CDYL2: variants seen among roughly 807,000 people sequenced by gnomAD.
The protein encoded by CDYL2 is chromodomain Y like 2.
A neutral mutation model predicts 49.4 loss-of-function variants in CDYL2; 23 were observed. The observed-to-expected ratio is 0.47, with a 90% CI of 0.34 to 0.66. The LOEUF (loss-of-function observed/expected upper bound fraction) is 0.66. Ranked by LOEUF, CDYL2 falls within the 30% of genes least tolerant of loss-of-function variation. The probability of loss-of-function intolerance (pLI) is 0.01; values close to 1 mark genes in which losing one functional copy is unlikely to be tolerated. For missense variants in CDYL2, 678 were observed against 656.4 expected, an observed-to-expected ratio of 1.03 and a Z score of -0.36; for synonymous variants, 360 against 268.8, an observed-to-expected ratio of 1.34 and a Z score of -3.32.
intron 1 of CDYL2, among the ~76,000 whole-genome samples, chr16:80,711,461 T>C (rs930009146): frequency 6.6e-6 from 1 of 152,200 alleles, no homozygotes; most frequent in African/African-American, 2.4e-5. Flanking sequence ...CCTGTTTTTA[T>C]TAACACTTGA....
At chr16:80,687,184 G>A (rs901938150) in intron 1 of CDYL2, among the ~76,000 whole-genome samples, 2 of 152,218 alleles carry the variant, frequency 1.3e-5, no homozygotes, top group African/African-American at 4.8e-5. Flanking sequence ...CAGCATTTGT[G>A]AGGACACCAA....
intron 2 of CDYL2, among the ~76,000 whole-genome samples, chr16:80,659,126 C>A (rs1908937052): frequency 6.6e-6 from 1 of 151,888 alleles, no homozygotes; most frequent in Admixed American, 6.6e-5. Flanking sequence ...GATGAACAGA[C>A]AGATGAGATG....
At chr16:80,650,083 A>G (rs958782671) in intron 2 of CDYL2, among the ~76,000 whole-genome samples, 4 of 152,200 alleles carry the variant, frequency 2.6e-5, no homozygotes, top group Admixed American at 6.5e-5. Flanking sequence ...GCAATACCCT[A>G]CAAGCACAGG....
chr16:80,648,162 G>C (rs1401238531), intron 2 of CDYL2, among the ~76,000 whole-genome samples: 1 of 151,992 alleles, frequency 6.6e-6, no homozygotes, highest in Admixed American at 6.6e-5. Flanking sequence ...ATAAAGATCA[G>C]AGTGGAAATA....
At chr16:80,724,138 TAAA>T (rs945281162) in intron 1 of CDYL2, among the ~76,000 whole-genome samples, 1 of 113,958 alleles carries the variant, frequency 8.8e-6, no homozygotes, top group South Asian at 2.7e-4. Context: ...AAAGAGGAGA[TAAA>T]AAAGAAGAGA....
intron 1 of CDYL2, among the ~76,000 whole-genome samples, chr16:80,794,594 A>AC (rs1907711212): frequency 7.3e-6 from 1 of 136,386 alleles, no homozygotes; most frequent in Admixed American, 7.3e-5. Context: ...TTACATTCCC[A>AC]GTGATTTTTT....
At chr16:80,642,162 G>A (rs921373692) in intron 2 of CDYL2, among the ~76,000 whole-genome samples, 9 of 152,284 alleles carry the variant, frequency 5.9e-5, no homozygotes, top group South Asian at 4.1e-4. Flanking sequence ...TTTATTAGTC[G>A]CCGGGTGTGG....
At chr16:80,707,325 T>C (rs1904438667) in intron 1 of CDYL2, among the ~76,000 whole-genome samples, 1 of 152,032 alleles carries the variant, frequency 6.6e-6, no homozygotes, top group Admixed American at 6.6e-5. Context: ...TAACTCATCC[T>C]GGGGCTGGCG....
chr16:80,759,317 A>G (rs1175628385), intron 1 of CDYL2, among the ~76,000 whole-genome samples: 6 of 151,696 alleles, frequency 4.0e-5, no homozygotes, highest in Non-Finnish European at 7.4e-5. Flanking sequence ...CAGTGAATGG[A>G]GATGACACTT....
chr16:80,615,136 C>A (rs1906772728), intron 4 of CDYL2, among the ~76,000 whole-genome samples: 1 of 152,094 alleles, frequency 6.6e-6, no homozygotes, highest in African/African-American at 2.4e-5. Flanking sequence ...CTGCTGGCCC[C>A]CAAAAGGTAC....
intron 2 of CDYL2, among the ~76,000 whole-genome samples, chr16:80,675,275 C>T (rs373595317): frequency 6.6e-6 from 1 of 152,204 alleles, no homozygotes; most frequent in East Asian, 1.9e-4. Context: ...CACCCTAATT[C>T]CTTCTCTCAG....
chr16:80,750,660 T>C (rs1178247463), intron 1 of CDYL2, among the ~76,000 whole-genome samples: 1 of 137,324 alleles, frequency 7.3e-6, no homozygotes, highest in Non-Finnish European at 1.7e-5. Flanking sequence ...AATCAGAAAT[T>C]AGAAAAAGTT....
intron 1 of CDYL2, among the ~76,000 whole-genome samples, chr16:80,714,882 G>A (rs1017188167): frequency 3.9e-5 from 6 of 152,102 alleles, no homozygotes; most frequent in Admixed American, 6.5e-5. Flanking sequence ...CTCCTTTAGT[G>A]GCCAGGCAGA....
chr16:80,692,393 T>TGGTC (rs1910452310), intron 1 of CDYL2, among the ~76,000 whole-genome samples: 1 of 152,180 alleles, frequency 6.6e-6, no homozygotes. Context: ...ATAGCCCAAG[T>TGGTC]GGTCCTTCAG....
chr16:80,783,007 C>A (rs1285384242), intron 1 of CDYL2, among the ~76,000 whole-genome samples: 2 of 152,004 alleles, frequency 1.3e-5, no homozygotes, highest in Non-Finnish European at 2.9e-5. Context: ...AAACATGACA[C>A]CAAGAGCTAA....
chr16:80,729,479 T>G (rs11641030), intron 1 of CDYL2, among the ~76,000 whole-genome samples: 27,136 of 151,812 alleles, frequency 0.18, 2,552 homozygotes, highest in South Asian at 0.26. Flanking sequence ...CAAAGAGACT[T>G]AGACTCCCAC....
intron 1 of CDYL2, among the ~76,000 whole-genome samples, chr16:80,699,408 A>T (rs1477872333): frequency 6.6e-6 from 1 of 152,264 alleles, no homozygotes; most frequent in Non-Finnish European, 1.5e-5. Context: ...GAAATAAGCC[A>T]GGCATAGAAA....
chr16:80,639,792 G>A (rs999570455), intron 2 of CDYL2: 23 of 452,074 alleles, frequency 5.1e-5, no homozygotes, highest in African/African-American at 3.2e-4. Context: ...TGGAAAGCAC[G>A]TTTGTGCACT....
chr16:80,641,603 T>C (rs1203449227), intron 2 of CDYL2, among the ~76,000 whole-genome samples: 4 of 151,908 alleles, frequency 2.6e-5, no homozygotes, highest in South Asian at 4.2e-4. Flanking sequence ...CGTAGGGACA[T>C]GCATGAAACT....
Sources: allele counts gnomAD v4.1 joint callset (sites outside exome capture counted in the v4.1 genomes callset), GRCh38; gene constraint gnomAD v4.1.1; transcripts MANE v1.5; gene names NCBI Gene and HGNC (gene_info 2026-07-23, HGNC 2026-07-21).